RBM47: variants seen among roughly 807,000 people sequenced by gnomAD.
The protein encoded by RBM47 is RNA binding motif protein 47.
Under a neutral mutation model 47.1 loss-of-function variants are expected in RBM47, and 21 were observed. The ratio of observed to expected loss-of-function variants is 0.45; its 90% CI spans 0.32 to 0.64. RBM47 has a LOEUF of 0.64. Among genes scored for constraint, RBM47 ranks in the 30% least tolerant of loss-of-function variants. The probability of loss-of-function intolerance (pLI) is 0.05; values close to 1 mark genes in which losing one functional copy is unlikely to be tolerated. For synonymous variants in RBM47, 375 were observed against 361.7 expected (o/e 1.04, Z -0.42); for missense variants, 708 against 870.9 (o/e 0.81, Z 2.35).
chr4:40,423,820 C>G lies in RBM47; in HGVS notation c.*2084G>C, dbSNP rs888339331. On this transcript the variant is annotated 3_prime_UTR_variant, in exon 7 of 7. Transcript: ENST00000295971. Reference sequence around the variant, plus strand: ...GGTCATAGTTTCATCCAGTGAAACTCTGTGACAATCCTTCACTAGAAGGAG... The same window carrying G: ...GGTCATAGTTTCATCCAGTGAAACTGTGTGACAATCCTTCACTAGAAGGAG... 1 of 152,378 alleles carries G rather than the reference C, an allele frequency of 6.6e-6. No individual in the cohort carries two copies. Among genetic ancestry groups the G allele is most frequent in the African/African-American group, 2.4e-5 (1 of 41,366 alleles). The allele number at this position is 152,378 out of a possible 1,614,324, so 9.4% of individuals were successfully genotyped here.
intron 2 of RBM47, among the ~76,000 whole-genome samples, chr4:40,527,628 T>C (rs1009165489): frequency 1.3e-5 from 2 of 151,660 alleles, no homozygotes; most frequent in African/African-American, 2.4e-5. Flanking sequence ...GGTTTCACCA[T>C]GTTGGCCAGG....
intron 1 of RBM47, among the ~76,000 whole-genome samples, chr4:40,546,634 C>G (rs1320690635): frequency 1.3e-5 from 2 of 152,180 alleles, no homozygotes; most frequent in Non-Finnish European, 2.9e-5. Flanking sequence ...AAGTTCTTCC[C>G]AATGCAATGG....
intron 5 of RBM47, 28 bp downstream of exon 5, chr4:40,436,413 G>A (rs1712412463): frequency 2.5e-6 from 4 of 1,599,476 alleles, no homozygotes; most frequent in Non-Finnish European, 3.4e-6. Flanking sequence ...TGCTGAATGG[G>A]AGCATTCTCA....
chr4:40,593,666 G>T (rs1019138919), intron 1 of RBM47, among the ~76,000 whole-genome samples: 1 of 152,088 alleles, frequency 6.6e-6, no homozygotes, highest in Middle Eastern at 3.4e-3. Flanking sequence ...GGATCACGAG[G>T]TCAGGAGATC....
At chr4:40,568,428 C>CA (rs35434439) in intron 1 of RBM47, among the ~76,000 whole-genome samples, 3,236 of 57,538 alleles carry the variant, frequency 0.056, 408 homozygotes, top group Non-Finnish European at 0.088. Context: ...AACCCTGTCT[C>CA]AAAAAAAAAA....
rs376793265 is a variant in RBM47 at position 40,438,825 on chromosome 4, G to A, written c.69C>T (p.Pro23=). The change falls in exon 4 of 7, where the codon CCC becomes CCT. Residue 23 remains proline (P), a synonymous_variant. Coordinates refer to ENST00000295971, the MANE Select transcript of RBM47 (RefSeq NM_001098634.2). ...CGTTGGGCGCGCCCGCCACGCCCTC[G>A]GGCACCTTGGCGGAGGACCCGGCGG... The part of the protein sequence containing the change: ...DSAAGSSAKV[P]EGVAGAPNEA... 1.3e-6 allele frequency: 2 copies of A among 1,557,000 alleles called. No individual in the cohort carries two copies. The highest frequency in any genetic ancestry group is 1.2e-5 in the South Asian group (1 of 86,648).
chr4:40,514,435 T>G (rs1725325055), intron 2 of RBM47: 1 of 152,204 alleles, frequency 6.6e-6, no homozygotes, highest in Non-Finnish European at 1.5e-5. Context: ...TCACCATCCC[T>G]GCCCCTTCCG....
rs1014955331 is a variant in RBM47, at chr4:40,438,484, C to A, written c.410G>T (p.Arg137Leu). The change falls in exon 4 of 7, where the codon CGC becomes CTC. Residue 137 changes from arginine to leucine, a missense_variant. Transcript: ENST00000295971. Reference protein sequence around the residue: ...AVRELNNYEIRPGRLLGVCCS... With the variant: ...AVRELNNYEILPGRLLGVCCS... The stretch of plus-strand genomic sequence containing the variant: ...GCACACGCCGAGCAGGCGGCCCGGG[C>A]GGATCTCGTAGTTGTTGAGCTCACG... 3 of 1,613,446 alleles carry A rather than the reference C, an allele frequency of 1.9e-6. No homozygotes were observed. Among genetic ancestry groups the A allele is most frequent in the Non-Finnish European group, 1.7e-6 (2 of 1,179,896 alleles).
At chr4:40,623,459 A>C (rs1418386437) in intron 1 of RBM47, among the ~76,000 whole-genome samples, 1 of 152,140 alleles carries the variant, frequency 6.6e-6, no homozygotes, top group South Asian at 2.1e-4. Flanking sequence ...ATTCATTGAT[A>C]TTCACCTGAT....
At chr4:40,520,307 C>T (rs1726075526) in intron 2 of RBM47, among the ~76,000 whole-genome samples, 1 of 152,194 alleles carries the variant, frequency 6.6e-6, no homozygotes, top group Admixed American at 6.5e-5. Flanking sequence ...TTTTCCACCT[C>T]CAGCCATGTG....
At chr4:40,586,298 T>C (rs539831840) in intron 1 of RBM47, among the ~76,000 whole-genome samples, 13 of 152,160 alleles carry the variant, frequency 8.5e-5, no homozygotes, top group Non-Finnish European at 8.8e-5. Context: ...AAGATTGTGA[T>C]AATTCTTACT....
chr4:40,624,399 C>T (rs1039347429), intron 1 of RBM47, among the ~76,000 whole-genome samples: 5 of 151,812 alleles, frequency 3.3e-5, no homozygotes, highest in Admixed American at 2.0e-4. Context: ...TTTTTCTCAC[C>T]ACATGACCAA....
intron 1 of RBM47, among the ~76,000 whole-genome samples, chr4:40,552,787 C>T (rs570686924): frequency 6.6e-6 from 1 of 152,294 alleles, no homozygotes; most frequent in East Asian, 1.9e-4. Flanking sequence ...GCCTTCTGGC[C>T]GTTTCTTAAA....
At chr4:40,586,011 TG>T (rs1733541693) in intron 1 of RBM47, among the ~76,000 whole-genome samples, 1 of 152,248 alleles carries the variant, frequency 6.6e-6, no homozygotes, top group Non-Finnish European at 1.5e-5. Flanking sequence ...GTACATTTGA[TG>T]GTTTCAAAGC....
chr4:40,565,179 A>G (rs979915383), intron 1 of RBM47, among the ~76,000 whole-genome samples: 2 of 152,204 alleles, frequency 1.3e-5, no homozygotes, highest in African/African-American at 4.8e-5. Flanking sequence ...TTGATCCCAA[A>G]TGGCATTTTC....
In RBM47 at chr4:40,569,692, A is replaced by G. The variant is rs11938376; in HGVS notation, c.-239-25186T>C. On this transcript the variant is annotated intron_variant, in intron 1 of 6. Transcript: ENST00000295971. ...CCAAAGTGCTGGGATTACAGGCGTG[A>G]GTCACCACGCCCGGCTCTATTCTCA... 3.2e-3 allele frequency among the ~76,000 whole-genome samples: 469 copies of G among 148,410 alleles called. 5 individuals are homozygous for G. Among genetic ancestry groups the G allele is most frequent in the African/African-American group, 0.011 (451 of 40,194 alleles).
At chr4:40,485,247 T>A (rs1458626862) in intron 2 of RBM47, among the ~76,000 whole-genome samples, 1 of 152,240 alleles carries the variant, frequency 6.6e-6, no homozygotes, top group Non-Finnish European at 1.5e-5. Context: ...ACTTACAACA[T>A]GGAGCCATAA....
chr4:40,475,273 A>G (rs1207446584), intron 2 of RBM47, among the ~76,000 whole-genome samples: 2 of 152,118 alleles, frequency 1.3e-5, no homozygotes, highest in African/African-American at 2.4e-5. Flanking sequence ...TTTAATTATC[A>G]CATCTTAAAA....
intron 2 of RBM47, among the ~76,000 whole-genome samples, chr4:40,523,863 CAA>C (rs34640118): frequency 3.8e-5 from 5 of 133,086 alleles, no homozygotes; most frequent in Admixed American, 7.8e-5. Context: ...AGCCCTGTCT[CAA>C]AAAAAAAAAA....
Sources: gnomAD v4.1 joint callset for allele counts (sites outside exome capture counted in the v4.1 genomes callset) on GRCh38, gnomAD v4.1.1 for gene constraint, MANE v1.5 for transcripts, NCBI Gene and HGNC (gene_info 2026-07-23, HGNC 2026-07-21) for gene names.